Variants in WASHC2C observed in about 807,000 individuals in gnomAD.
The protein encoded by WASHC2C is Vaccinia Penetration Factor.
Under a neutral mutation model 142.2 loss-of-function variants are expected in WASHC2C, and 73 were observed. That is an observed-to-expected ratio of 0.51 (90% CI 0.43 to 0.62). The LOEUF (loss-of-function observed/expected upper bound fraction) is 0.62. Ranked by LOEUF, WASHC2C falls within the 20% of genes least tolerant of loss-of-function variation. The probability of loss-of-function intolerance (pLI) is 0.00; values close to 1 mark genes in which losing one functional copy is unlikely to be tolerated. For missense variants in WASHC2C, 969 were observed against 1,531.7 expected, an observed-to-expected ratio of 0.63 and a Z score of 6.13; for synonymous variants, 337 against 565.5, an observed-to-expected ratio of 0.60 and a Z score of 5.73.
At chr10:45,790,138 A>C (rs1388516285) in intron 29 of WASHC2C, among the ~76,000 whole-genome samples, 3 of 152,222 alleles carry the variant, frequency 2.0e-5, no homozygotes, top group Non-Finnish European at 4.4e-5. Flanking sequence ...CAGGACTGGT[A>C]GAGAAGGTGT....
chr10:45,784,291 C>CATATATATAT (rs1270243147), intron 23 of WASHC2C, among the ~76,000 whole-genome samples: 8 of 8,784 alleles, frequency 9.1e-4, no homozygotes, highest in East Asian at 7.6e-3. Flanking sequence ...TATATATATA[C>CATATATATAT]ACATATATAT....
chr10:45,758,606 CTT>C (rs60416109), intron 16 of WASHC2C, among the ~76,000 whole-genome samples: 63 of 127,934 alleles, frequency 4.9e-4, no homozygotes, highest in Admixed American at 6.4e-4. Flanking sequence ...CATTCTTCTT[CTT>C]TTTTTTTTTT....
At chr10:45,727,603 G>T in intron 2 of WASHC2C, 64 bp downstream of exon 2, 2 of 1,494,440 alleles carry the variant, frequency 1.3e-6, no homozygotes, top group African/African-American at 1.4e-5. Flanking sequence ...GCGCAGGAGG[G>T]CCGGACCGCG....
intron 23 of WASHC2C, 28 bp from the exon 24 acceptor site, chr10:45,784,537 C>T (rs374847623): frequency 1.2e-5 from 20 of 1,610,476 alleles, no homozygotes; most frequent in Non-Finnish European, 1.7e-5. Flanking sequence ...CAGCTCTAAT[C>T]ACACATGACC....
At position 45,743,379 on chromosome 10, in the gene WASHC2C, A is replaced by T. The variant is rs1463498205; in HGVS notation, c.529-11A>T. The T allele has an allele frequency of 6.2e-7, 1 of 1,611,842 alleles. No individual in the cohort carries two copies. Among genetic ancestry groups the T allele is most frequent in the Non-Finnish European group, 8.5e-7 (1 of 1,179,846 alleles). On this transcript the variant is annotated splice_polypyrimidine_tract_variant and intron_variant, in intron 5 of 30. Transcript: ENST00000623400. The stretch of plus-strand genomic sequence containing the variant: ...AAATGTTTGACAGCCTATTCCTTTC[A>T]TCATGTACAGGATCTATACATTGAT...
chr10:45,771,476 C>G, intron 20 of WASHC2C: 2 of 984,788 alleles, frequency 2.0e-6, no homozygotes, highest in Middle Eastern at 5.2e-4. Context: ...ACACCCTCAG[C>G]TGAGCATTTT....
In WASHC2C at chr10:45,770,098, G is replaced by A. The variant is rs1419309206; in HGVS notation, c.2039+480G>A. Among the ~76,000 whole-genome samples, 239 of 151,552 alleles carry A rather than the reference G, an allele frequency of 1.6e-3. 2 individuals carry two copies. Among genetic ancestry groups the A allele is most frequent in the African/African-American group, 4.5e-3 (187 of 41,228 alleles). ...TACTAAAAAAATATAAAAATTAGCCGGGTGTGGTGGCACGCGCCTGTAGTC... is the reference window on the plus strand; with the variant it reads ...TACTAAAAAAATATAAAAATTAGCCAGGTGTGGTGGCACGCGCCTGTAGTC... On this transcript the variant is annotated intron_variant, in intron 20 of 30. Coordinates refer to ENST00000623400, the MANE Select transcript of WASHC2C (RefSeq NM_001330074.2).
At chr10:45,757,165 A>G (rs200605434) in intron 16 of WASHC2C, 26 bp downstream of exon 16, 62,270 of 1,610,802 alleles carry the variant, frequency 0.039, 1,534 homozygotes, top group African/African-American at 0.11. Context: ...GACTTAACGC[A>G]GGAGCATTGA....
intron 3 of WASHC2C, among the ~76,000 whole-genome samples, chr10:45,733,961 G>A (rs1337814600): frequency 6.6e-6 from 1 of 152,086 alleles, no homozygotes; most frequent in African/African-American, 2.4e-5. Context: ...CGGGTGCGGT[G>A]GCTCACGCCT....
rs1322983079 is a variant in WASHC2C at position 45,791,309 on chromosome 10, CA to C, written c.3886+783del. On this transcript the variant is annotated intron_variant, in intron 30 of 30. Coordinates refer to ENST00000623400, the MANE Select transcript of WASHC2C (RefSeq NM_001330074.2). Reference sequence around the variant, plus strand: ...GGGAACTCATTCATTATTTTAAATACAAAAAAAGTAATACATGCTTATTGTA... The same window carrying C: ...GGGAACTCATTCATTATTTTAAATACAAAAAAGTAATACATGCTTATTGTA... Among the ~76,000 whole-genome samples, 3 of 151,604 alleles carry C rather than the reference CA, an allele frequency of 2.0e-5. No individual in the cohort carries two copies. In the South Asian group the frequency reaches 6.3e-4, roughly 32 times the overall value.
At position 45,788,962 on chromosome 10, in the gene WASHC2C, G is replaced by A. The variant is rs1222606872; in HGVS notation, c.3179G>A (p.Ser1060Asn). The change falls in exon 29 of 31, where the codon AGC (serine) becomes AAC (asparagine). Residue 1060 changes from serine to asparagine, a missense_variant. Physicochemically the swap from Ser to Asn is conservative, Grantham distance 46. Transcript: ENST00000623400. ...GAGTCCAGCGAGGCTGAGGACATGA[G>A]CGTCCCCAGAGGACCCATTGCACAG... ...AQESSEAEDM[S>N]VPRGPIAQWA... The A allele has an allele frequency of 1.9e-5, 30 of 1,611,952 alleles. No homozygotes were observed. The highest frequency in any genetic ancestry group is 2.2e-4 in the Middle Eastern group (1 of 4,452).
intron 8 of WASHC2C, among the ~76,000 whole-genome samples, chr10:45,747,327 A>G (rs1348519910): frequency 1.3e-5 from 2 of 151,910 alleles, no homozygotes; most frequent in African/African-American, 2.4e-5. Context: ...TATTTTTAGT[A>G]GAGATGGGGT....
Position 45,789,317 on chromosome 10 carries a change from C to A in WASHC2C, c.3534C>A (p.Ala1178=), listed in dbSNP as rs2058258676. 1 of 1,612,034 alleles carries A rather than the reference C, an allele frequency of 6.2e-7. No individual in the cohort carries two copies. The highest frequency in any genetic ancestry group is 8.5e-7 in the Non-Finnish European group (1 of 1,179,852). The change falls in exon 29 of 31, where the codon GCC becomes GCA. Residue 1178 remains alanine (A), a synonymous_variant. Transcript: ENST00000623400. ...KSPMFPALGE[A]SSDDDLFQSA... ...CCATGTTTCCTGCTCTAGGCGAGGC[C>A]AGCAGTGATGATGATCTCTTTCAGT...
chr10:45,788,178 A>G (rs186182219), intron 28 of WASHC2C, among the ~76,000 whole-genome samples: 2 of 152,330 alleles, frequency 1.3e-5, no homozygotes, highest in Admixed American at 6.5e-5. Flanking sequence ...CAACACAATC[A>G]TACTTTGCCC....
intron 18 of WASHC2C, among the ~76,000 whole-genome samples, chr10:45,764,548 G>T (rs2260918): frequency 7.2e-6 from 1 of 139,610 alleles, no homozygotes; most frequent in Non-Finnish European, 1.5e-5. Flanking sequence ...TTTCTTTCCC[G>T]TCCTGGCTGG....
intron 17 of WASHC2C, among the ~76,000 whole-genome samples, chr10:45,760,055 A>G (rs1381001039): frequency 6.7e-6 from 1 of 148,504 alleles, no homozygotes; most frequent in Admixed American, 6.8e-5. Context: ...CACTAACTAG[A>G]CCGTGGCTTA....
chr10:45,775,649 T>C (rs1228235608), intron 21 of WASHC2C, among the ~76,000 whole-genome samples: 3 of 152,012 alleles, frequency 2.0e-5, no homozygotes, highest in Non-Finnish European at 2.9e-5. Flanking sequence ...TTAAGTCTCT[T>C]TTTGTCTCCC....
At chr10:45,727,868 G>A (rs1017972889) in intron 2 of WASHC2C, among the ~76,000 whole-genome samples, 4 of 152,278 alleles carry the variant, frequency 2.6e-5, no homozygotes, top group Non-Finnish European at 5.9e-5. Context: ...ACTAAATGGG[G>A]TGGGAAACAA....
Position 45,754,538 on chromosome 10 carries a change from A to T in WASHC2C, c.1233A>T (p.Val411=), listed in dbSNP as rs1468076369. 8.1e-6 allele frequency: 13 copies of T among 1,597,444 alleles called. No homozygotes were observed. In the East Asian group the frequency reaches 2.9e-4, roughly 36 times the overall value. Residue 411 remains valine, a synonymous_variant, in exon 14 of 31, where the codon GTA becomes GTT. Coordinates refer to ENST00000623400, the MANE Select transcript of WASHC2C (RefSeq NM_001330074.2). The part of the protein sequence containing the change: ...GKKIPAGAVS[V]FLGDTDVFGA... ...AAATCCCAGCAGGAGCTGTTTCTGT[A>T]TTTTTAGGTAACATAACTTAGGTTT... is the stretch of plus-strand genomic sequence containing the variant.
Sources: allele counts gnomAD v4.1 joint callset (sites outside exome capture counted in the v4.1 genomes callset), GRCh38; gene constraint gnomAD v4.1.1; transcripts MANE v1.5; gene names NCBI Gene and HGNC (gene_info 2026-07-23, HGNC 2026-07-21).